TRPM3: variants seen among roughly 807,000 people sequenced by gnomAD.
The protein encoded by TRPM3 is transient receptor potential cation channel subfamily M member 3.
Under a neutral mutation model 181.2 loss-of-function variants are expected in TRPM3, and 77 were observed. That is an observed-to-expected ratio of 0.42 (90% CI 0.35 to 0.51). The LOEUF (loss-of-function observed/expected upper bound fraction) is 0.51. Ranked by LOEUF, TRPM3 falls within the 20% of genes least tolerant of loss-of-function variation. The pLI is 0.01. For missense variants in TRPM3, 1,759 were observed against 2,196.7 expected (o/e 0.80, Z 3.98); for synonymous variants, 745 against 796.4 (o/e 0.94, Z 1.09).
At chr9:71,236,621 G>A (rs1220261886) in intron 1 of TRPM3, among the ~76,000 whole-genome samples, 1 of 152,144 alleles carries the variant, frequency 6.6e-6, no homozygotes, top group Non-Finnish European at 1.5e-5. Context: ...TAAGAGATAA[G>A]ATACACCTCT....
chr9:70,568,373 A>G (rs541417063), intron 22 of TRPM3, among the ~76,000 whole-genome samples: 24 of 152,236 alleles, frequency 1.6e-4, no homozygotes, highest in Middle Eastern at 3.2e-3. Flanking sequence ...GCGCTTTCAT[A>G]TACAATATCT....
intron 1 of TRPM3, among the ~76,000 whole-genome samples, chr9:70,959,638 A>T (rs945722221): frequency 1.3e-5 from 2 of 152,184 alleles, no homozygotes; most frequent in Non-Finnish European, 2.9e-5. Context: ...CTGAATATTT[A>T]TGTTTTCCTT....
At chr9:70,664,898 C>T (rs1037541513) in intron 9 of TRPM3, among the ~76,000 whole-genome samples, 2 of 152,078 alleles carry the variant, frequency 1.3e-5, no homozygotes, top group African/African-American at 2.4e-5. Flanking sequence ...GATCCACCCC[C>T]CTCAGCCTCC....
chr9:71,051,483 A>C (rs1269427801), intron 1 of TRPM3, among the ~76,000 whole-genome samples: 3 of 152,162 alleles, frequency 2.0e-5, no homozygotes, highest in African/African-American at 4.8e-5. Context: ...TGGAGCTGAC[A>C]CATGAGCATG....
intron 1 of TRPM3, among the ~76,000 whole-genome samples, chr9:71,256,054 A>T (rs1358728116): frequency 6.6e-6 from 1 of 152,222 alleles, no homozygotes; most frequent in African/African-American, 2.4e-5. Flanking sequence ...GCCCATCTGA[A>T]GGCCATTCTA....
intron 1 of TRPM3, among the ~76,000 whole-genome samples, chr9:70,994,964 T>G (rs772189616): frequency 5.3e-5 from 8 of 152,224 alleles, no homozygotes; most frequent in Non-Finnish European, 1.0e-4. Context: ...TTTCTTTGTA[T>G]TTGCACAGAT....
At chr9:70,576,747 T>C (rs1822487476) in intron 22 of TRPM3, among the ~76,000 whole-genome samples, 1 of 152,062 alleles carries the variant, frequency 6.6e-6, no homozygotes, top group African/African-American at 2.4e-5. Flanking sequence ...ACTCCTGACC[T>C]CATGATCCAC....
intron 1 of TRPM3, among the ~76,000 whole-genome samples, chr9:71,318,929 C>T (rs2088918319): frequency 6.8e-6 from 1 of 147,214 alleles, no homozygotes; most frequent in Non-Finnish European, 1.5e-5. Flanking sequence ...AGCCCCCTGC[C>T]CCAGTCCCCA....
chr9:71,254,902 T>A (rs926410906), intron 1 of TRPM3, among the ~76,000 whole-genome samples: 73 of 152,284 alleles, frequency 4.8e-4, no homozygotes, highest in African/African-American at 1.7e-3. Flanking sequence ...TTACCTTTCA[T>A]CCAGATGAGA....
At chr9:71,416,658 A>G (rs1565552131) in intron 1 of TRPM3, among the ~76,000 whole-genome samples, 2 of 151,942 alleles carry the variant, frequency 1.3e-5, no homozygotes, top group Non-Finnish European at 2.9e-5. Context: ...GACTTACAAA[A>G]TAAGATTTTT....
At chr9:71,302,716 G>C (rs2132339368) in intron 1 of TRPM3, among the ~76,000 whole-genome samples, 1 of 150,492 alleles carries the variant, frequency 6.6e-6, no homozygotes, top group Non-Finnish European at 1.5e-5. Flanking sequence ...GGCCCAATGA[G>C]ACAAAGCTGA....
At chr9:71,172,661 C>T (rs1354954217) in intron 1 of TRPM3, among the ~76,000 whole-genome samples, 1 of 152,124 alleles carries the variant, frequency 6.6e-6, no homozygotes, top group Non-Finnish European at 1.5e-5. Flanking sequence ...CTGCCTTGAC[C>T]TCATAATTTT....
chr9:71,101,309 C>T (rs555884599), intron 1 of TRPM3, among the ~76,000 whole-genome samples: 10 of 152,226 alleles, frequency 6.6e-5, no homozygotes, highest in South Asian at 2.1e-4. Flanking sequence ...CACAGTCAGT[C>T]GCTCTTGATC....
intron 22 of TRPM3, chr9:70,579,157 T>G (rs903721823): frequency 1.3e-5 from 2 of 152,432 alleles, no homozygotes; most frequent in Non-Finnish European, 2.9e-5. Context: ...TTATTTTTAG[T>G]TTTTTAGAGA....
chr9:70,543,219 G>A (rs758921191), intron 25 of TRPM3, among the ~76,000 whole-genome samples: 1 of 152,048 alleles, frequency 6.6e-6, no homozygotes, highest in Non-Finnish European at 1.5e-5. Flanking sequence ...AATTTTGTGG[G>A]TACATAGTAG....
intron 9 of TRPM3, among the ~76,000 whole-genome samples, chr9:70,654,392 G>A (rs1354909781): frequency 6.6e-6 from 1 of 151,920 alleles, no homozygotes; most frequent in Non-Finnish European, 1.5e-5. Context: ...CCAACAAAAA[G>A]TTATTTAAAA....
At chr9:71,316,296 T>C (rs1391231165) in intron 1 of TRPM3, among the ~76,000 whole-genome samples, 1 of 152,178 alleles carries the variant, frequency 6.6e-6, no homozygotes, top group Non-Finnish European at 1.5e-5. Flanking sequence ...ACATGTCCAT[T>C]AATTCAATCT....
At chr9:70,919,018 T>C (rs1328631063) in intron 1 of TRPM3, among the ~76,000 whole-genome samples, 1 of 152,128 alleles carries the variant, frequency 6.6e-6, no homozygotes, top group African/African-American at 2.4e-5. Flanking sequence ...CTCTCTTTCC[T>C]CAGGCCTCAT....
intron 6 of TRPM3, among the ~76,000 whole-genome samples, chr9:70,797,906 C>T (rs1425486362): frequency 3.9e-5 from 6 of 152,156 alleles, no homozygotes; most frequent in Non-Finnish European, 5.9e-5. Context: ...TTTGGAGTGT[C>T]ATTAAACCCA....
Sources: gnomAD v4.1 joint callset for allele counts (sites outside exome capture counted in the v4.1 genomes callset) on GRCh38, gnomAD v4.1.1 for gene constraint, MANE v1.5 for transcripts, NCBI Gene and HGNC (gene_info 2026-07-23, HGNC 2026-07-21) for gene names.